The following TIAM1 variants were observed in gnomAD, a reference collection of about 807,000 sequenced individuals.
TIAM1 encodes the protein rho guanine nucleotide exchange factor TIAM1.
TIAM1 carries 65 observed loss-of-function variants against 163.5 expected under a neutral mutation model. The ratio of observed to expected loss-of-function variants is 0.40; its 90% confidence interval spans 0.33 to 0.49. The LOEUF is 0.49. Ranked by LOEUF, TIAM1 falls within the 20% of genes least tolerant of loss-of-function variation. The pLI, the probability that TIAM1 is intolerant of heterozygous loss-of-function variation, is 0.77. For synonymous variants in TIAM1, 833 were observed against 810.1 expected (o/e 1.03, Z -0.48); for missense variants, 1,789 against 2,044.7 (o/e 0.87, Z 2.41).
chr21:31,423,854 C>CG (rs1244509919), intron 2 of TIAM1, among the ~76,000 whole-genome samples: 651 of 24,796 alleles, frequency 0.026, 13 homozygotes, highest in Middle Eastern at 0.12. Flanking sequence ...TAATGATTAT[C>CG]GGGGGGGGCG....
intron 1 of TIAM1, among the ~76,000 whole-genome samples, chr21:31,473,241 A>G (rs1433585233): frequency 6.6e-6 from 1 of 152,072 alleles, no homozygotes; most frequent in Non-Finnish European, 1.5e-5. Flanking sequence ...CATCCTGGCT[A>G]ACACGGTGAA....
intron 1 of TIAM1, among the ~76,000 whole-genome samples, chr21:31,536,609 A>C (rs2048143196): frequency 6.6e-6 from 1 of 152,222 alleles, no homozygotes; most frequent in Non-Finnish European, 1.5e-5. Context: ...AAAAACCTAT[A>C]GTCACCCCAC....
intron 2 of TIAM1, among the ~76,000 whole-genome samples, chr21:31,295,812 TTTTG>T (rs1209597007): frequency 3.9e-5 from 6 of 152,226 alleles, no homozygotes; most frequent in Middle Eastern, 3.4e-3. Flanking sequence ...CTCTGATTAT[TTTTG>T]TTTGTTTGTT....
At chr21:31,367,614 A>T (rs1602108721) in intron 2 of TIAM1, among the ~76,000 whole-genome samples, 1 of 152,164 alleles carries the variant, frequency 6.6e-6, no homozygotes, top group Non-Finnish European at 1.5e-5. Flanking sequence ...GAGGATCCAG[A>T]AATTCTGACA....
At chr21:31,218,916 A>T (rs1319649838) in intron 8 of TIAM1, among the ~76,000 whole-genome samples, 1 of 151,348 alleles carries the variant, frequency 6.6e-6, no homozygotes, top group East Asian at 1.9e-4. Flanking sequence ...CATCACTTAC[A>T]TGTCCTATGT....
chr21:31,525,819 A>G (rs564347587), intron 1 of TIAM1, among the ~76,000 whole-genome samples: 108 of 152,170 alleles, frequency 7.1e-4, no homozygotes, highest in African/African-American at 2.5e-3. Context: ...GGATCATTTG[A>G]AGTCAGGAGT....
At chr21:31,517,883 T>C (rs2047436788) in intron 1 of TIAM1, among the ~76,000 whole-genome samples, 1 of 152,160 alleles carries the variant, frequency 6.6e-6, no homozygotes, top group African/African-American at 2.4e-5. Flanking sequence ...TAGTCACTCC[T>C]CCATGATCAA....
intron 22 of TIAM1, 137 bp from the exon 23 acceptor site, chr21:31,136,178 T>A (rs1174993831): frequency 1.4e-6 from 1 of 707,320 alleles, no homozygotes; most frequent in Non-Finnish European, 2.3e-6. Flanking sequence ...TGCTTAAATA[T>A]GTGAGATAAT....
chr21:31,267,195 GC>G (rs1052761297), intron 3 of TIAM1, among the ~76,000 whole-genome samples: 3 of 152,118 alleles, frequency 2.0e-5, no homozygotes, highest in African/African-American at 7.2e-5. Context: ...TACTGAGACT[GC>G]CCCCTGAGAT....
intron 2 of TIAM1, among the ~76,000 whole-genome samples, chr21:31,423,884 T>G (rs1406212302): frequency 3.4e-4 from 42 of 123,248 alleles, no homozygotes; most frequent in East Asian, 8.2e-4. Context: ...TCAAGGGAGT[T>G]GGGGAGAAAT....
chr21:31,388,232 C>T (rs1441367276), intron 2 of TIAM1, among the ~76,000 whole-genome samples: 2 of 109,548 alleles, frequency 1.8e-5, no homozygotes, highest in East Asian at 4.8e-4. Flanking sequence ...CACACACACA[C>T]ACACACACAC....
At chr21:31,480,567 G>A (rs1006363688) in intron 1 of TIAM1, among the ~76,000 whole-genome samples, 1 of 152,092 alleles carries the variant, frequency 6.6e-6, no homozygotes, top group South Asian at 2.1e-4. Flanking sequence ...CCACATTGCC[G>A]CATGCCAGAG....
chr21:31,255,489 T>C (rs529420068), intron 4 of TIAM1, among the ~76,000 whole-genome samples: 1 of 152,294 alleles, frequency 6.6e-6, no homozygotes, highest in South Asian at 2.1e-4. Flanking sequence ...TACTTAGTGG[T>C]CATCTTTCAG....
At chr21:31,483,466 C>T (rs1322011317) in intron 1 of TIAM1, among the ~76,000 whole-genome samples, 1 of 152,152 alleles carries the variant, frequency 6.6e-6, no homozygotes, top group Non-Finnish European at 1.5e-5. Flanking sequence ...ACACATGTCA[C>T]AGTTTCAACA....
chr21:31,451,726 T>TAC (rs2044857192), intron 2 of TIAM1, among the ~76,000 whole-genome samples: 1 of 137,982 alleles, frequency 7.2e-6, no homozygotes, highest in African/African-American at 3.0e-5. Context: ...TGCGTGTGTG[T>TAC]GTGTGTGTGT....
At chr21:31,476,830 G>A (rs187718680) in intron 1 of TIAM1, among the ~76,000 whole-genome samples, 1 of 152,220 alleles carries the variant, frequency 6.6e-6, no homozygotes, top group East Asian at 1.9e-4. Context: ...AAATGTTGCC[G>A]GCTGCTATGA....
In TIAM1 at chr21:31,290,445, C is replaced by T. The variant is rs186942170; in HGVS notation, c.-188-13537G>A. Among the ~76,000 whole-genome samples, 7 of 151,718 alleles carry T rather than the reference C, an allele frequency of 4.6e-5. No individual in the cohort carries two copies. The East Asian group carries it at 1.4e-3, about 29-fold the overall frequency. On this transcript the variant is annotated intron_variant, in intron 2 of 27. Transcript: ENST00000541036. Reference sequence around the variant, plus strand: ...GGTCCGGAGTTCAAGACCAGCCTGGCCAACATGGTGAAACCTCATCTCTAC... The same window carrying T: ...GGTCCGGAGTTCAAGACCAGCCTGGTCAACATGGTGAAACCTCATCTCTAC...
chr21:31,396,689 C>A (rs964801483), intron 2 of TIAM1, among the ~76,000 whole-genome samples: 2 of 151,328 alleles, frequency 1.3e-5, no homozygotes, highest in Non-Finnish European at 2.9e-5. Context: ...GTGGCTCATG[C>A]CTGTAATGCC....
chr21:31,213,740 G>T (rs996829488), intron 9 of TIAM1, among the ~76,000 whole-genome samples: 1 of 151,510 alleles, frequency 6.6e-6, no homozygotes, highest in African/African-American at 2.4e-5. Flanking sequence ...TCTACTTAAA[G>T]AAAATAGGCT....
Sources: gnomAD v4.1 joint callset for allele counts (sites outside exome capture counted in the v4.1 genomes callset) on GRCh38, gnomAD v4.1.1 for gene constraint, MANE v1.5 for transcripts, NCBI Gene and HGNC (gene_info 2026-07-23, HGNC 2026-07-21) for gene names.